Variants in OCA2 observed in about 807,000 individuals in gnomAD.
The protein encoded by OCA2 is OCA2 melanosomal transmembrane protein, also known as P protein.
A neutral mutation model predicts 100.2 loss-of-function variants in OCA2; 77 were observed. The ratio of observed to expected loss-of-function variants is 0.77; its 90% CI spans 0.64 to 0.93. The LOEUF is 0.93. Among genes scored for constraint, OCA2 ranks in the 40% least tolerant of loss-of-function variants. The pLI, the probability that OCA2 is intolerant of heterozygous loss-of-function variation, is 0.00. For synonymous variants in OCA2, 432 were observed against 439.2 expected, an observed-to-expected ratio of 0.98 and a Z score of 0.21; for missense variants, 1,062 against 1,089.1, an observed-to-expected ratio of 0.98 and a Z score of 0.35.
chr15:28,069,260 A>T (rs1057246211), intron 2 of OCA2, among the ~76,000 whole-genome samples: 3 of 151,910 alleles, frequency 2.0e-5, no homozygotes, highest in African/African-American at 7.3e-5. Context: ...ATGTACAAAA[A>T]TCAACAGCAT....
intron 18 of OCA2, among the ~76,000 whole-genome samples, chr15:27,934,381 G>A (rs1274965733): frequency 6.6e-6 from 1 of 152,124 alleles, no homozygotes; most frequent in African/African-American, 2.4e-5. Context: ...TCCAGGGCAC[G>A]TACCACACAG....
intron 14 of OCA2, among the ~76,000 whole-genome samples, chr15:27,969,928 T>A (rs1464186053): frequency 2.0e-5 from 3 of 151,832 alleles, no homozygotes; most frequent in Admixed American, 6.6e-5. Context: ...AAGCTTCTTA[T>A]GAAGTGTTTA....
At chr15:27,968,008 CG>C (rs1328988909) in intron 14 of OCA2, among the ~76,000 whole-genome samples, 3 of 152,196 alleles carry the variant, frequency 2.0e-5, no homozygotes, top group Non-Finnish European at 2.9e-5. Context: ...CTTTCACTGG[CG>C]TCCTGGAATA....
At chr15:27,901,786 A>T (rs2037946612) in intron 19 of OCA2, among the ~76,000 whole-genome samples, 1 of 152,224 alleles carries the variant, frequency 6.6e-6, no homozygotes, top group Non-Finnish European at 1.5e-5. Context: ...TGCACATGTA[A>T]GTCCCCAGAC....
chr15:27,930,791 G>A (rs1484145180), intron 18 of OCA2, among the ~76,000 whole-genome samples: 3 of 151,686 alleles, frequency 2.0e-5, no homozygotes, highest in African/African-American at 7.2e-5. Context: ...CATCAGGGCA[G>A]GGGTCTGACA....
At chr15:27,788,177 T>G (rs1014444832) in intron 23 of OCA2, among the ~76,000 whole-genome samples, 1 of 151,958 alleles carries the variant, frequency 6.6e-6, no homozygotes, top group African/African-American at 2.4e-5. Context: ...CTTTGTAAGC[T>G]TGAAAAAAAC....
intron 19 of OCA2, among the ~76,000 whole-genome samples, chr15:27,923,740 T>A (rs1287655402): frequency 6.6e-6 from 1 of 152,202 alleles, no homozygotes; most frequent in African/African-American, 2.4e-5. Flanking sequence ...TTTAAGTTCC[T>A]TATAGACTTT....
At chr15:27,986,393 G>A (rs1456286377) in intron 12 of OCA2, among the ~76,000 whole-genome samples, 194 bp downstream of exon 12, 1 of 152,140 alleles carries the variant, frequency 6.6e-6, no homozygotes, top group Non-Finnish European at 1.5e-5. Flanking sequence ...TATTTACTGA[G>A]CAGCTGAAAG....
At chr15:28,023,112 G>C (rs1301123100) in intron 5 of OCA2, among the ~76,000 whole-genome samples, 1 of 152,072 alleles carries the variant, frequency 6.6e-6, no homozygotes, top group Non-Finnish European at 1.5e-5. Flanking sequence ...GACCAGGGGA[G>C]ACCTGGCCCA....
chr15:27,891,712 C>A (rs762631715), intron 19 of OCA2, among the ~76,000 whole-genome samples: 12 of 151,936 alleles, frequency 7.9e-5, no homozygotes, highest in Non-Finnish European at 1.6e-4. Flanking sequence ...TTGGTTGAAC[C>A]CATGGATGCA....
intron 4 of OCA2, among the ~76,000 whole-genome samples, chr15:28,027,117 C>T (rs1723510342): frequency 6.6e-6 from 1 of 152,214 alleles, no homozygotes; most frequent in Non-Finnish European, 1.5e-5. Context: ...TTCAAATGAA[C>T]GGGCGCATGG....
At chr15:27,927,043 A>G (rs2039068841) in intron 18 of OCA2, among the ~76,000 whole-genome samples, 5 of 152,194 alleles carry the variant, frequency 3.3e-5, no homozygotes, top group African/African-American at 1.2e-4. Context: ...TAATCCCAGC[A>G]CTTTGGCAGG....
At chr15:27,788,444 G>A (rs527307159) in intron 23 of OCA2, among the ~76,000 whole-genome samples, 10 of 152,148 alleles carry the variant, frequency 6.6e-5, no homozygotes, top group African/African-American at 1.9e-4. Flanking sequence ...GTGCTAGGAG[G>A]ACATTTGTCT....
intron 21 of OCA2, among the ~76,000 whole-genome samples, chr15:27,870,327 C>T (rs886717339): frequency 3.3e-5 from 5 of 152,226 alleles, no homozygotes; most frequent in African/African-American, 1.2e-4. Flanking sequence ...TGGCCTGTGC[C>T]CTGCACACCT....
intron 23 of OCA2, among the ~76,000 whole-genome samples, chr15:27,771,476 G>A (rs566794147): frequency 3.8e-4 from 58 of 152,216 alleles, no homozygotes; most frequent in African/African-American, 1.2e-3. Flanking sequence ...TCCAGGCAGC[G>A]CCCAGCTGGG....
chr15:27,831,306 A>AAAAAAAAAAAAAAGG (rs398026675), intron 23 of OCA2, among the ~76,000 whole-genome samples: 1 of 150,924 alleles, frequency 6.6e-6, no homozygotes, highest in Non-Finnish European at 1.5e-5. Flanking sequence ...AAAAAAAAAA[A>AAAAAAAAAAAAAAGG]TCGGTCTGAG....
At chr15:27,756,752 C>A (rs1005455823) in intron 23 of OCA2, among the ~76,000 whole-genome samples, 1 of 152,146 alleles carries the variant, frequency 6.6e-6, no homozygotes, top group African/African-American at 2.4e-5. Flanking sequence ...TGCCGAGAAT[C>A]TCAATCCGGG....
chr15:27,893,738 C>T (rs556282835), intron 19 of OCA2, among the ~76,000 whole-genome samples: 2 of 152,254 alleles, frequency 1.3e-5, no homozygotes, highest in African/African-American at 4.8e-5. Context: ...CAGTTCTCTG[C>T]TCTCGAACCC....
chr15:27,989,703 C>T (rs773230642), intron 10 of OCA2, 37 bp from the exon 11 acceptor site: 42 of 1,589,228 alleles, frequency 2.6e-5, no homozygotes, highest in South Asian at 5.5e-5. Context: ...TTAATCCGTG[C>T]GCCGCCATCC....
Sources: gnomAD v4.1 joint callset for allele counts (sites outside exome capture counted in the v4.1 genomes callset) on GRCh38, gnomAD v4.1.1 for gene constraint, MANE v1.5 for transcripts, NCBI Gene and HGNC (gene_info 2026-07-23, HGNC 2026-07-21) for gene names.